RGS6: variants seen among roughly 807,000 people sequenced by gnomAD.
RGS6 encodes the protein regulator of G protein signaling 6.
In RGS6, 30 loss-of-function variants were observed where a neutral mutation model predicts 78.5. The ratio of observed to expected loss-of-function variants is 0.38; its 90% CI spans 0.29 to 0.52. The LOEUF (loss-of-function observed/expected upper bound fraction) is 0.52, where lower values mean the gene tolerates loss of function less well. RGS6 is among the 20% of genes least tolerant of loss of function. The pLI, the probability that RGS6 is intolerant of heterozygous loss-of-function variation, is 0.85. For synonymous variants in RGS6, 206 were observed against 206.0 expected (o/e 1.00, Z 0.00); for missense variants, 495 against 609.7 (o/e 0.81, Z 1.98).
At chr14:71,895,714 T>G in the RGS6 span, among the ~76,000 whole-genome samples, 126,308 of 152,070 alleles carry the variant, frequency 0.83, 52,641 homozygotes, top group African/African-American at 0.85. Context: ...ACTAACCAGG[T>G]GTAGTGCAGT....
intron 2 of RGS6, among the ~76,000 whole-genome samples, chr14:72,209,330 A>G (rs1434834122): frequency 6.6e-6 from 1 of 152,236 alleles, no homozygotes; most frequent in Non-Finnish European, 1.5e-5. Context: ...TTAAAAGGCA[A>G]TAATCATTTG....
At chr14:71,964,437 C>T (rs562019644) in intron 1 of RGS6, among the ~76,000 whole-genome samples, 5 of 152,112 alleles carry the variant, frequency 3.3e-5, no homozygotes, top group East Asian at 3.9e-4. Flanking sequence ...ACCCGGGAGG[C>T]GGAGGTTTCA....
In RGS6 at chr14:72,020,775, C is replaced by T. The variant is rs148629092; in HGVS notation, c.84+55900C>T. Among the ~76,000 whole-genome samples the T allele has an allele frequency of 2.1e-4, 32 of 152,268 alleles. 1 individual carries two copies. The highest frequency in any genetic ancestry group is 7.7e-4 in the African/African-American group (32 of 41,552). On this transcript the variant is annotated intron_variant, in intron 2 of 17. Transcript: ENST00000553525. ...TTGGTACAAAAGATGTGAAATAAAC[C>T]ACACAAAGACCATCCCTCTTGGAAC... is the stretch of plus-strand genomic sequence containing the variant.
chr14:72,349,851 G>A (rs528548890), intron 2 of RGS6, among the ~76,000 whole-genome samples: 1 of 152,284 alleles, frequency 6.6e-6, no homozygotes, highest in Non-Finnish European at 1.5e-5. Flanking sequence ...TACCTGAATT[G>A]AATTGTTGGT....
chr14:72,255,873 A>G (rs2056971861), intron 2 of RGS6, among the ~76,000 whole-genome samples: 1 of 152,246 alleles, frequency 6.6e-6, no homozygotes, highest in Non-Finnish European at 1.5e-5. Context: ...GAAAGAAAGT[A>G]TTGTTCAAAT....
the RGS6 span, among the ~76,000 whole-genome samples, chr14:71,923,737 G>A: frequency 2.0e-4 from 31 of 152,200 alleles, no homozygotes; most frequent in East Asian, 2.9e-3. Context: ...TAGAAAAAGC[G>A]AAACCATAGC....
At chr14:72,378,084 A>G (rs2085207477) in intron 3 of RGS6, among the ~76,000 whole-genome samples, 1 of 152,270 alleles carries the variant, frequency 6.6e-6, no homozygotes, top group South Asian at 2.1e-4. Context: ...ACAAATACAC[A>G]AAAAGTAACC....
At chr14:72,310,601 T>C (rs982378207) in intron 2 of RGS6, among the ~76,000 whole-genome samples, 15 of 152,264 alleles carry the variant, frequency 9.9e-5, no homozygotes, top group Non-Finnish European at 1.5e-5. Flanking sequence ...CTTGACAAGA[T>C]ACAATTTGGT....
chr14:72,366,519 CA>C (rs1489309999), intron 3 of RGS6, among the ~76,000 whole-genome samples: 1 of 152,034 alleles, frequency 6.6e-6, no homozygotes, highest in African/African-American at 2.4e-5. Flanking sequence ...AAGAAGAACC[CA>C]ACATCAGATC....
chr14:72,620,240 C>T, the RGS6 span, among the ~76,000 whole-genome samples: 750 of 152,304 alleles, frequency 4.9e-3, 12 homozygotes, highest in African/African-American at 0.017. Flanking sequence ...TCCTCCAAGA[C>T]GCCTTCTGTG....
chr14:72,131,411 G>T, intron 2 of RGS6, among the ~76,000 whole-genome samples: 1 of 152,274 alleles, frequency 6.6e-6, no homozygotes, highest in Middle Eastern at 3.4e-3. Context: ...AAATTGCAAT[G>T]CTCCCTTATC....
chr14:72,188,595 T>C (rs1167111059), intron 2 of RGS6, among the ~76,000 whole-genome samples: 1 of 152,222 alleles, frequency 6.6e-6, no homozygotes, highest in Non-Finnish European at 1.5e-5. Context: ...CCTTCAGTCA[T>C]TGTTACGTTG....
intron 3 of RGS6, among the ~76,000 whole-genome samples, chr14:72,451,474 G>T (rs1225747421): frequency 6.6e-6 from 1 of 152,184 alleles, no homozygotes; most frequent in Non-Finnish European, 1.5e-5. Context: ...CCCAGACAAC[G>T]GTGCTGAGCC....
At chr14:71,957,148 TTGACTC>T (rs1454454440) in intron 1 of RGS6, among the ~76,000 whole-genome samples, 1 of 152,188 alleles carries the variant, frequency 6.6e-6, no homozygotes, top group Non-Finnish European at 1.5e-5. Flanking sequence ...TGGTAGGTCT[TTGACTC>T]TGATGTTAAA....
intron 2 of RGS6, among the ~76,000 whole-genome samples, chr14:72,069,289 G>T (rs957646779): frequency 3.3e-5 from 5 of 152,016 alleles, no homozygotes; most frequent in African/African-American, 9.7e-5. Context: ...CTTTTAGGTT[G>T]ATATTTTTTT....
At chr14:72,495,079 G>A (rs1231652255) in intron 12 of RGS6, 73 bp from the exon 13 acceptor site, 1 of 902,840 alleles carries the variant, frequency 1.1e-6, no homozygotes, top group African/African-American at 1.6e-5. Flanking sequence ...CTGCTATAAT[G>A]TTTGTGTAAA....
rs1171345954 is a variant in RGS6, at chr14:72,535,633, T to C, written c.1279-553T>C. ...TATCACGTGTTAAGATGTGTCAAAA[T>C]ACAGAACCATTCTGTCACCACAAAG... On this transcript the variant is annotated intron_variant, in intron 15 of 17. Transcript: ENST00000553525. 2.0e-5 allele frequency among the ~76,000 whole-genome samples: 3 copies of C among 152,320 alleles called. No homozygotes were observed. In the South Asian group the frequency reaches 6.2e-4, roughly 32 times the overall value.
chr14:72,213,008 C>T (rs990949789), intron 2 of RGS6, among the ~76,000 whole-genome samples: 1 of 152,166 alleles, frequency 6.6e-6, no homozygotes, highest in Admixed American at 6.5e-5. Context: ...ATTGCATTAC[C>T]TGGGTAAAGG....
At chr14:72,295,148 G>T (rs1014690581) in intron 2 of RGS6, among the ~76,000 whole-genome samples, 1 of 151,524 alleles carries the variant, frequency 6.6e-6, no homozygotes, top group Non-Finnish European at 1.5e-5. Flanking sequence ...AAAATTAGCC[G>T]GGCGTAGTGG....
Sources: gnomAD v4.1 joint callset for allele counts (sites outside exome capture counted in the v4.1 genomes callset) on GRCh38, gnomAD v4.1.1 for gene constraint, MANE v1.5 for transcripts, NCBI Gene and HGNC (gene_info 2026-07-23, HGNC 2026-07-21) for gene names.